FAM210A: variants seen among roughly 807,000 people sequenced by gnomAD.
The protein encoded by FAM210A is family with sequence similarity 210 member A.
A neutral mutation model predicts 25.3 loss-of-function variants in FAM210A; 13 were observed. The observed-to-expected ratio is 0.51, with a 90% CI of 0.33 to 0.82. The LOEUF (loss-of-function observed/expected upper bound fraction) is 0.82. FAM210A is among the 40% of genes least tolerant of loss of function. The probability of loss-of-function intolerance (pLI) is 0.02; values close to 1 mark genes in which losing one functional copy is unlikely to be tolerated. For synonymous variants in FAM210A, 125 were observed against 118.7 expected (o/e 1.05, Z -0.35); for missense variants, 319 against 323.2 (o/e 0.99, Z 0.10).
intron 1 of FAM210A, among the ~76,000 whole-genome samples, chr18:13,724,650 A>T (rs976171640): frequency 6.6e-6 from 1 of 152,234 alleles, no homozygotes; most frequent in Non-Finnish European, 1.5e-5. Flanking sequence ...TCTATTCTCA[A>T]ATGAATTTAC....
intron 3 of FAM210A, among the ~76,000 whole-genome samples, chr18:13,669,255 T>C (rs1300961636): frequency 6.6e-6 from 1 of 152,174 alleles, no homozygotes; most frequent in East Asian, 1.9e-4. Flanking sequence ...GGTCTGTTAC[T>C]AGAGCAGCCA....
At position 13,681,910 on chromosome 18, in the gene FAM210A, C is replaced by T. The variant is rs776132977; in HGVS notation, c.168G>A (p.Leu56=). The T allele has an allele frequency of 6.2e-7, 1 of 1,614,174 alleles. No homozygotes were observed. Among genetic ancestry groups the T allele is most frequent in the Non-Finnish European group, 8.5e-7 (1 of 1,180,034 alleles). ...VLVQGPQKQW[L]HLSAAQCVAK... is the part of the protein sequence containing the mutation. ...CAACACACTGGGCAGCAGATAAATG[C>T]AACCATTGTTTTTGAGGGCCTTGTA... The change falls in exon 2 of 4, where the codon TTG becomes TTA. Residue 56 remains leucine, a synonymous_variant. Coordinates refer to ENST00000651643, the MANE Select transcript of FAM210A (RefSeq NM_152352.4).
rs1414613079 is a variant in FAM210A, at chr18:13,666,192, A to G, written c.*288T>C. The G allele has an allele frequency of 9.3e-6, 3 of 324,082 alleles. No individual in the cohort carries two copies. The highest frequency in any genetic ancestry group is 1.7e-5 in the Non-Finnish European group (3 of 175,258). The allele number at this position is 324,082 out of a possible 1,614,324, so 20.1% of individuals were successfully genotyped here. A position where few individuals can be genotyped will look rare whatever the true frequency, so the allele number is the denominator to read the frequency against. ...TACAGCTGCAACAAAACAGAAATCA[A>G]GTGTGGTTCTGAAGACCTTGAAAAA... On this transcript the variant is annotated 3_prime_UTR_variant, in exon 4 of 4. Transcript: ENST00000651643.
chr18:13,722,558 C>A (rs1310074777), intron 1 of FAM210A, among the ~76,000 whole-genome samples: 7 of 152,168 alleles, frequency 4.6e-5, no homozygotes, highest in Non-Finnish European at 1.0e-4. Context: ...AGTTTAACAT[C>A]CCCAGCTTCA....
chr18:13,724,249 A>G (rs2043917388), intron 1 of FAM210A, among the ~76,000 whole-genome samples: 1 of 152,222 alleles, frequency 6.6e-6, no homozygotes, highest in Non-Finnish European at 1.5e-5. Context: ...ACTATTTGCT[A>G]GGCAACGTCC....
chr18:13,666,157 A>G lies in FAM210A; in HGVS notation c.*323T>C, dbSNP rs1149355. 0.92 allele frequency: 244,925 copies of G among 265,690 alleles called. 113,109 individuals are homozygous for G. Among genetic ancestry groups the G allele is most frequent in the East Asian group, 0.97 (11,338 of 11,632 alleles). 16.5% of individuals were successfully genotyped at this position (265,690 alleles called of 1,614,324 possible). A position where few individuals can be genotyped will look rare whatever the true frequency, so the allele number is the denominator to read the frequency against. On this transcript the variant is annotated 3_prime_UTR_variant, in exon 4 of 4. Coordinates refer to ENST00000651643, the MANE Select transcript of FAM210A (RefSeq NM_152352.4). ...ATATTCAAGGAGTCAGCTGCCTAGT[A>G]TGTGTCAATTACAGCTGCAACAAAA...
intron 3 of FAM210A, among the ~76,000 whole-genome samples, chr18:13,669,103 G>A (rs916881504): frequency 2.0e-5 from 3 of 152,086 alleles, no homozygotes; most frequent in Non-Finnish European, 4.4e-5. Context: ...GAAAACCCCA[G>A]CAACCACGTC....
intron 1 of FAM210A, among the ~76,000 whole-genome samples, chr18:13,713,988 G>A (rs895616229): frequency 6.6e-6 from 1 of 152,116 alleles, no homozygotes; most frequent in Non-Finnish European, 1.5e-5. Flanking sequence ...CCAGGGGTAC[G>A]AACCAGGGGA....
chr18:13,685,711 G>A (rs549451489), intron 1 of FAM210A, among the ~76,000 whole-genome samples: 1 of 152,178 alleles, frequency 6.6e-6, no homozygotes, highest in Admixed American at 6.5e-5. Context: ...TCCCTAAAAC[G>A]TTTAAAGCCA....
At chr18:13,692,187 C>T (rs2043651176) in intron 1 of FAM210A, among the ~76,000 whole-genome samples, 1 of 151,940 alleles carries the variant, frequency 6.6e-6, no homozygotes. Context: ...ATCAATTCAA[C>T]AAGAAGAGCT....
intron 1 of FAM210A, among the ~76,000 whole-genome samples, chr18:13,722,253 G>A (rs2043903104): frequency 6.6e-6 from 1 of 151,342 alleles, no homozygotes; most frequent in Non-Finnish European, 1.5e-5. Context: ...CCCCCATGAT[G>A]GCAACACACC....
chr18:13,713,657 G>T (rs2043838007), intron 1 of FAM210A, among the ~76,000 whole-genome samples: 1 of 151,682 alleles, frequency 6.6e-6, no homozygotes, highest in South Asian at 2.1e-4. Flanking sequence ...AAAGGACAAT[G>T]ATTCCTCTAC....
chr18:13,707,655 T>C (rs758450260), intron 1 of FAM210A, among the ~76,000 whole-genome samples: 3 of 152,272 alleles, frequency 2.0e-5, no homozygotes, highest in African/African-American at 7.2e-5. Flanking sequence ...AGAAAGACTC[T>C]GTACTTCTAC....
intron 1 of FAM210A, among the ~76,000 whole-genome samples, chr18:13,717,530 T>TA (rs1363022739): frequency 5.9e-5 from 9 of 152,070 alleles, no homozygotes; most frequent in African/African-American, 2.2e-4. Flanking sequence ...ACTTTGGACT[T>TA]ACGTTGGTCA....
At position 13,671,872 on chromosome 18, in the gene FAM210A, G is replaced by A; in HGVS notation, c.575C>T (p.Ala192Val). The change falls in exon 3 of 4, where the codon GCC becomes GTC. Residue 192 changes from alanine to valine, a missense_variant. Coordinates refer to ENST00000651643, the MANE Select transcript of FAM210A (RefSeq NM_152352.4). ...SQSGNALTAY[A>V]LFKIATPARY... ...TGTTACAGTACCCACCTTAAACAAGGCATATGCTGTGAGGGCATTTCCACT... is the reference window on the plus strand; with the variant it reads ...TGTTACAGTACCCACCTTAAACAAGACATATGCTGTGAGGGCATTTCCACT... 1 of 1,610,562 alleles carries A rather than the reference G, an allele frequency of 6.2e-7. No individual in the cohort carries two copies. The highest frequency in any genetic ancestry group is 8.5e-7 in the Non-Finnish European group (1 of 1,177,086).
In FAM210A at chr18:13,697,360, T is replaced by C. The variant is rs60756743; in HGVS notation, c.-28-15255A>G. On this transcript the variant is annotated intron_variant, in intron 1 of 3. Transcript: ENST00000651643. ...GCCGCATCATTAGAAAATTGCAAAT[T>C]AAAAACACTAAGACACTACTACAAA... is the stretch of plus-strand genomic sequence containing the variant. Among the ~76,000 whole-genome samples, 595 of 151,902 alleles carry C rather than the reference T, an allele frequency of 3.9e-3. 7 individuals are homozygous for C. Among genetic ancestry groups the C allele is most frequent in the African/African-American group, 0.014 (572 of 41,426 alleles).
At chr18:13,672,918 G>A (rs956668331) in intron 2 of FAM210A, among the ~76,000 whole-genome samples, 1 of 152,226 alleles carries the variant, frequency 6.6e-6, no homozygotes, top group Non-Finnish European at 1.5e-5. Flanking sequence ...GGAGACAGGA[G>A]AGAAGGCAGA....
intron 1 of FAM210A, among the ~76,000 whole-genome samples, chr18:13,689,827 C>G (rs1338561164): frequency 6.6e-6 from 1 of 152,190 alleles, no homozygotes; most frequent in Non-Finnish European, 1.5e-5. Flanking sequence ...CAAATAGGAA[C>G]AGCTCCAGTC....
At chr18:13,715,753 C>T (rs1001141486) in intron 1 of FAM210A, among the ~76,000 whole-genome samples, 1 of 152,146 alleles carries the variant, frequency 6.6e-6, no homozygotes, top group African/African-American at 2.4e-5. Context: ...TTTTTAAGTC[C>T]TAAGTAGTAT....
Sources: allele counts gnomAD v4.1 joint callset (sites outside exome capture counted in the v4.1 genomes callset), GRCh38; gene constraint gnomAD v4.1.1; transcripts MANE v1.5; gene names NCBI Gene and HGNC (gene_info 2026-07-23, HGNC 2026-07-21).